The following NELL1 variants were observed in gnomAD, a reference collection of about 807,000 sequenced individuals.
NELL1 encodes the protein neural EGFL like 1.
Under a neutral mutation model 107.4 loss-of-function variants are expected in NELL1, and 76 were observed. The ratio of observed to expected loss-of-function variants is 0.71; its 90% CI spans 0.59 to 0.86. The LOEUF (loss-of-function observed/expected upper bound fraction) is 0.86, where lower values mean the gene tolerates loss of function less well. Ranked by LOEUF, NELL1 falls within the 40% of genes least tolerant of loss-of-function variation. The pLI, the probability that NELL1 is intolerant of heterozygous loss-of-function variation, is 0.00. For synonymous variants in NELL1, 353 were observed against 341.2 expected, an observed-to-expected ratio of 1.03 and a Z score of -0.38; for missense variants, 1,024 against 1,005.5, an observed-to-expected ratio of 1.02 and a Z score of -0.25.
rs372979408 is a variant in NELL1 at position 20,696,160 on chromosome 11, A to G, written c.184+18100A>G. On this transcript the variant is annotated intron_variant, in intron 2 of 19. Transcript: ENST00000357134. ...GTTGTTTCTGATTGTGCTTTTTTGGATATTCTTTTTTCCTTGTTAATCTAG... is the reference window on the plus strand; with the variant it reads ...GTTGTTTCTGATTGTGCTTTTTTGGGTATTCTTTTTTCCTTGTTAATCTAG... 2.6e-5 allele frequency among the ~76,000 whole-genome samples: 4 copies of G among 151,286 alleles called. No individual in the cohort carries two copies. In the East Asian group the frequency reaches 7.8e-4, roughly 30 times the overall value.
intron 13 of NELL1, among the ~76,000 whole-genome samples, chr11:21,213,347 C>A (rs1384803132): frequency 1.3e-5 from 2 of 152,068 alleles, no homozygotes; most frequent in African/African-American, 2.4e-5. Context: ...AAAATTCCAA[C>A]AAGCTTAATC....
At chr11:20,940,106 C>T (rs1018233094) in intron 10 of NELL1, among the ~76,000 whole-genome samples, 3 of 152,012 alleles carry the variant, frequency 2.0e-5, no homozygotes, top group Non-Finnish European at 4.4e-5. Flanking sequence ...AGCACCTCAA[C>T]AAAGATGAAT....
rs755078110 is a variant in NELL1, at chr11:21,141,454, A to C, written c.1426+27740A>C. The stretch of plus-strand genomic sequence containing the variant: ...TTCACTGTGTGATCTTGGGTGAGCC[A>C]GTTAACCTCTGTGTGCCTCACATAA... On this transcript the variant is annotated intron_variant, in intron 13 of 19. Transcript: ENST00000357134. Among the ~76,000 whole-genome samples the C allele has an allele frequency of 8.3e-4, 127 of 152,124 alleles. 1 individual carries two copies. The highest frequency in any genetic ancestry group is 1.6e-3 in the Non-Finnish European group (108 of 68,016).
chr11:20,828,394 A>G (rs960949104), intron 3 of NELL1, among the ~76,000 whole-genome samples: 5 of 140,654 alleles, frequency 3.6e-5, no homozygotes, highest in African/African-American at 9.9e-5. Flanking sequence ...GTCTCCACAT[A>G]TAACTTGCAA....
chr11:20,940,239 A>C (rs1590440949), intron 10 of NELL1, among the ~76,000 whole-genome samples: 2 of 145,328 alleles, frequency 1.4e-5, no homozygotes, highest in African/African-American at 2.5e-5. Flanking sequence ...TGTTCTCTGC[A>C]ACCCCTAGAC....
At chr11:21,534,612 C>T (rs1856086366) in intron 16 of NELL1, 98 bp downstream of exon 16, 6 of 1,275,748 alleles carry the variant, frequency 4.7e-6, no homozygotes, top group Non-Finnish European at 5.6e-6. Flanking sequence ...TAAAATATGA[C>T]CATTCATTGG....
chr11:20,902,543 C>A (rs1198691551), intron 5 of NELL1, among the ~76,000 whole-genome samples: 2 of 151,988 alleles, frequency 1.3e-5, no homozygotes, highest in African/African-American at 2.4e-5. Context: ...TTGGTGGAAC[C>A]AATAGAGAGG....
chr11:20,733,541 A>C (rs1254337339), intron 2 of NELL1, among the ~76,000 whole-genome samples: 1 of 152,184 alleles, frequency 6.6e-6, no homozygotes, highest in Admixed American at 6.5e-5. Flanking sequence ...GAAATAAAAA[A>C]GTCCCCAGGT....
chr11:21,032,137 G>A (rs1454420968), intron 12 of NELL1, among the ~76,000 whole-genome samples: 1 of 151,362 alleles, frequency 6.6e-6, no homozygotes, highest in Non-Finnish European at 1.5e-5. Context: ...TCTATTTTAA[G>A]AAATACCTCT....
chr11:20,727,165 T>C (rs1855526458), intron 2 of NELL1, among the ~76,000 whole-genome samples: 1 of 152,192 alleles, frequency 6.6e-6, no homozygotes, highest in African/African-American at 2.4e-5. Flanking sequence ...CCTAGAGGAA[T>C]CTCCACACTG....
intron 12 of NELL1, among the ~76,000 whole-genome samples, chr11:21,084,389 C>T (rs539624041): frequency 6.6e-6 from 1 of 152,292 alleles, no homozygotes; most frequent in South Asian, 2.1e-4. Flanking sequence ...GCACCTACTG[C>T]ATATGATTGC....
chr11:21,104,942 G>A (rs1049031771), intron 12 of NELL1, among the ~76,000 whole-genome samples: 3 of 152,060 alleles, frequency 2.0e-5, no homozygotes, highest in Admixed American at 6.5e-5. Flanking sequence ...GTTCTTATAA[G>A]GGCACTAATC....
At chr11:20,761,515 G>C (rs1256709386) in intron 2 of NELL1, among the ~76,000 whole-genome samples, 1 of 151,982 alleles carries the variant, frequency 6.6e-6, no homozygotes, top group Non-Finnish European at 1.5e-5. Flanking sequence ...TTTTCTTGAG[G>C]AATGTCAGAA....
chr11:20,693,572 TG>T (rs1404100544), intron 2 of NELL1, among the ~76,000 whole-genome samples: 1 of 152,200 alleles, frequency 6.6e-6, no homozygotes, highest in Non-Finnish European at 1.5e-5. Context: ...TATGAAATTC[TG>T]GGTTGAAAAT....
At chr11:20,738,536 T>G (rs888217260) in intron 2 of NELL1, among the ~76,000 whole-genome samples, 8 of 152,232 alleles carry the variant, frequency 5.3e-5, no homozygotes, top group African/African-American at 1.9e-4. Context: ...GTGTTCACGT[T>G]AGAAAATTTG....
At chr11:21,135,688 A>T (rs958139093) in intron 13 of NELL1, among the ~76,000 whole-genome samples, 1 of 152,242 alleles carries the variant, frequency 6.6e-6, no homozygotes, top group African/African-American at 2.4e-5. Flanking sequence ...GAATTATAGC[A>T]TATAGAATCA....
At chr11:21,430,085 G>C (rs1557463) in intron 15 of NELL1, among the ~76,000 whole-genome samples, 59,214 of 151,956 alleles carry the variant, frequency 0.39, 13,946 homozygotes, top group African/African-American at 0.65. Context: ...TTTGTGTTTA[G>C]CAGCAAATAA....
Position 20,783,777 on chromosome 11 carries a change from G to C in NELL1, c.282G>C (p.Gln94His), listed in dbSNP as rs1465073702. 6.2e-7 allele frequency: 1 copy of C among 1,613,890 alleles called. No individual in the cohort carries two copies. Among genetic ancestry groups the C allele is most frequent in the Admixed American group, 1.7e-5 (1 of 60,018 alleles). The change falls in exon 3 of 20, where the codon CAG becomes CAC. Residue 94 changes from glutamine (Q) to histidine (H), a missense_variant. Coordinates refer to ENST00000357134, the MANE Select transcript of NELL1 (RefSeq NM_006157.5). The stretch of plus-strand genomic sequence containing the variant: ...AATTCACCATTTTGGCCACTGTACA[G>C]CAGAAGCCATCCACTTCAGGAGTGA... ...KSEFTILATV[Q>H]QKPSTSGVIL...
intron 13 of NELL1, among the ~76,000 whole-genome samples, chr11:21,226,680 G>C (rs969543311): frequency 3.9e-5 from 6 of 152,082 alleles, no homozygotes; most frequent in African/African-American, 1.4e-4. Context: ...GTCAATTATG[G>C]CATTAATGAC....
Sources: allele counts gnomAD v4.1 joint callset (sites outside exome capture counted in the v4.1 genomes callset), GRCh38; gene constraint gnomAD v4.1.1; transcripts MANE v1.5; gene names NCBI Gene and HGNC (gene_info 2026-07-23, HGNC 2026-07-21).